Variants in GPSM1 observed in about 807,000 individuals in gnomAD.
GPSM1 encodes G protein-signaling modulator 1.
GPSM1 carries 48 observed loss-of-function variants against 70.5 expected under a neutral mutation model. The ratio of observed to expected loss-of-function variants is 0.68; its 90% CI spans 0.54 to 0.87. The LOEUF (loss-of-function observed/expected upper bound fraction) is 0.87, where lower values mean the gene tolerates loss of function less well. Ranked by LOEUF, GPSM1 falls within the 40% of genes least tolerant of loss-of-function variation. GPSM1 has a pLI of 0.00. For synonymous variants in GPSM1, 416 were observed against 430.1 expected, an observed-to-expected ratio of 0.97 and a Z score of 0.41; for missense variants, 981 against 972.6, an observed-to-expected ratio of 1.01 and a Z score of -0.11.
intron 12 of GPSM1, 102 bp from the exon 13 acceptor site, chr9:136,356,240 G>T (rs1832818199): frequency 4.5e-6 from 4 of 893,588 alleles, no homozygotes; most frequent in Middle Eastern, 7.0e-4. Context: ...CAGCACAGTG[G>T]GCTGGGCTGG....
intron 1 of GPSM1, among the ~76,000 whole-genome samples, chr9:136,331,330 G>A (rs751031884): frequency 1.3e-5 from 2 of 151,424 alleles, no homozygotes; most frequent in African/African-American, 2.4e-5. Flanking sequence ...CAGAGGGCCC[G>A]GCAGACGTGG....
rs1214171274 is a variant in GPSM1, at chr9:136,344,206, GAGCGGGGTGGGGGCGCGGACAGA to G, written c.1207+3226_1207+3248del. ...CAGGAGCGGGGGGAGGCGCGGACAG[GAGCGGGGTGGGGGCGCGGACAGA>G]AGCGGGGTGGGGCGCAGACAGGAGC... On this transcript the variant is annotated intron_variant, in intron 9 of 13. Transcript: ENST00000440944. Among the ~76,000 whole-genome samples the G allele has an allele frequency of 6.7e-3, 952 of 143,112 alleles. 7 individuals are homozygous for G. The highest frequency in any genetic ancestry group is 0.01 in the Non-Finnish European group (677 of 64,588). The allele number at this position is 143,112 out of a possible 152,430, so 93.9% of individuals were successfully genotyped here. A position where few individuals can be genotyped will look rare whatever the true frequency, so the allele number is the denominator to read the frequency against.
At chr9:136,346,232 C>G (rs1391102518) in intron 9 of GPSM1, among the ~76,000 whole-genome samples, 2 of 152,214 alleles carry the variant, frequency 1.3e-5, no homozygotes, top group African/African-American at 4.8e-5. Flanking sequence ...AGCCCACACT[C>G]AGCCAGTTCC....
intron 1 of GPSM1, among the ~76,000 whole-genome samples, chr9:136,333,654 C>T (rs1350208900): frequency 5.3e-5 from 8 of 152,192 alleles, no homozygotes; most frequent in African/African-American, 1.9e-4. Context: ...AGGTGGCGCT[C>T]ACACGGCGGA....
At chr9:136,346,918 C>T (rs1482788114) in intron 9 of GPSM1, among the ~76,000 whole-genome samples, 1 of 152,196 alleles carries the variant, frequency 6.6e-6, no homozygotes, top group Non-Finnish European at 1.5e-5. Flanking sequence ...CCCGGCAGGG[C>T]CCAGAACCCA....
In GPSM1 at chr9:136,341,248, A is replaced by G; in HGVS notation, c.1207+255A>G. ...ACAGGAGGTGGTCGCCTGTTGCCCC[A>G]CTGGCTGCTCCAGGGCCTCCACCCC... On this transcript the variant is annotated intron_variant, in intron 9 of 13. Transcript: ENST00000440944. The surrounding 1 kb of genome is among the most constrained non-coding windows in gnomAD (Gnocchi z 6.7). The G allele has an allele frequency of 6.7e-7, 1 of 1,498,764 alleles. No homozygotes were observed. The highest frequency in any genetic ancestry group is 2.2e-4 in the Middle Eastern group (1 of 4,638). The allele number at this position is 1,498,764 out of a possible 1,614,324, so 92.8% of individuals were successfully genotyped here. A position where few individuals can be genotyped will look rare whatever the true frequency, so the allele number is the denominator to read the frequency against.
rs1554768881 is a variant in GPSM1 at position 136,334,446 on chromosome 9, G to A, written c.69-1G>A. 6.2e-7 allele frequency: 1 copy of A among 1,610,748 alleles called. No homozygotes were observed. Among genetic ancestry groups the A allele is most frequent in the Non-Finnish European group, 8.5e-7 (1 of 1,179,156 alleles). ...CCATGACGCCAAGTTCCTCTGCACA[G>A]GATGGAGGCGTCCTGCCTAGAGCTG... On this transcript the variant is annotated splice_acceptor_variant, in intron 1 of 13. Transcript: ENST00000440944. LOFTEE classifies it high-confidence loss of function.
At chr9:136,334,410 C>A in intron 1 of GPSM1, 37 bp from the exon 2 acceptor site, 1 of 1,553,230 alleles carries the variant, frequency 6.4e-7, no homozygotes, top group Non-Finnish European at 8.8e-7. Context: ...GGCGACTTTG[C>A]CAGGGCTGGG....
At chr9:136,354,179 G>C (rs1200259582) in intron 11 of GPSM1, among the ~76,000 whole-genome samples, 1 of 152,206 alleles carries the variant, frequency 6.6e-6, no homozygotes, top group South Asian at 2.1e-4. Context: ...TCCTAAAACA[G>C]GGCTGTCCAC....
intron 9 of GPSM1, among the ~76,000 whole-genome samples, chr9:136,347,566 C>T (rs1554771466): frequency 6.6e-6 from 1 of 152,200 alleles, no homozygotes; most frequent in East Asian, 1.9e-4. Flanking sequence ...TCCCCTCTGC[C>T]TAGAACGTTC....
chr9:136,354,376 G>T (rs868974060), intron 11 of GPSM1, among the ~76,000 whole-genome samples: 1 of 152,174 alleles, frequency 6.6e-6, no homozygotes, highest in Non-Finnish European at 1.5e-5. Context: ...AATTCCAGTT[G>T]TCTGTCAGAC....
intron 3 of GPSM1, 67 bp downstream of exon 3, chr9:136,336,168 G>C: frequency 6.5e-7 from 1 of 1,540,610 alleles, no homozygotes; most frequent in Non-Finnish European, 8.8e-7. Flanking sequence ...ATCCGGGATA[G>C]GGGCGGGCGG....
chr9:136,334,528 C>G lies in GPSM1; in HGVS notation c.150C>G (p.Phe50Leu). ...GCGACTTCAAGACAGGCGTGGCCTT[C>G]TTTGAGGCTGCTGTGCAGGTGGGCA... The part of the protein sequence containing the change: ...KAGDFKTGVA[F>L]FEAAVQVGTE... The change falls in exon 2 of 14, where the codon TTC becomes TTG. Residue 50 changes from phenylalanine (F) to leucine (L), a missense_variant. Physicochemically the swap from Phe to Leu is conservative, Grantham distance 22 (BLOSUM62 0). Coordinates refer to ENST00000440944, the MANE Select transcript of GPSM1 (RefSeq NM_001145638.3). 1 of 1,613,380 alleles carries G rather than the reference C, an allele frequency of 6.2e-7. No individual in the cohort carries two copies. The highest frequency in any genetic ancestry group is 1.1e-5 in the South Asian group (1 of 91,088).
intron 7 of GPSM1, 101 bp from the exon 8 acceptor site, chr9:136,339,606 G>A (rs1320560628): frequency 3.7e-6 from 3 of 810,834 alleles, no homozygotes; most frequent in Non-Finnish European, 4.0e-6. Context: ...GATGACCCTC[G>A]AAGCCAGGGT....
chr9:136,333,613 G>C (rs1554768775), intron 1 of GPSM1, among the ~76,000 whole-genome samples: 1 of 152,162 alleles, frequency 6.6e-6, no homozygotes, highest in Non-Finnish European at 1.5e-5. Flanking sequence ...CAGGGCGTTG[G>C]TGTTCAGAAG....
intron 4 of GPSM1, 42 bp from the exon 5 acceptor site, chr9:136,337,399 A>G: frequency 1.9e-6 from 3 of 1,558,292 alleles, no homozygotes; most frequent in Non-Finnish European, 1.7e-6. Flanking sequence ...GGGTGAGGAC[A>G]TGGGCTGGGA....
At position 136,349,958 on chromosome 9, in the gene GPSM1, T is replaced by C. The variant is rs553230754; in HGVS notation, c.1455+195T>C. ...TCTGGGCAGGGCTCAGTGTTTAGCA[T>C]TGTGGTCGCACCTGGCCTCAGAGGC... On this transcript the variant is annotated intron_variant, in intron 11 of 13. Transcript: ENST00000440944. Among the ~76,000 whole-genome samples the C allele has an allele frequency of 7.9e-5, 12 of 152,298 alleles. No individual in the cohort carries two copies. The East Asian group carries it at 2.1e-3, about 27-fold the overall frequency.
At chr9:136,351,120 G>A (rs915087781) in intron 11 of GPSM1, among the ~76,000 whole-genome samples, 21 of 152,196 alleles carry the variant, frequency 1.4e-4, no homozygotes, top group African/African-American at 5.1e-4. Context: ...GCAGAGGGGT[G>A]TGGGTGCTGG....
intron 1 of GPSM1, among the ~76,000 whole-genome samples, chr9:136,329,913 C>T (rs1240528731): frequency 7.7e-6 from 1 of 130,414 alleles, no homozygotes; most frequent in South Asian, 2.6e-4. Context: ...GGTGCTGGGT[C>T]GGTGGGGACG....
Sources: gnomAD v4.1 joint callset for allele counts (sites outside exome capture counted in the v4.1 genomes callset) on GRCh38, gnomAD v4.1.1 for gene constraint, Gnocchi (gnomAD v3.1) non-coding constraint, MANE v1.5 for transcripts, NCBI Gene and HGNC (gene_info 2026-07-23, HGNC 2026-07-21) for gene names.